NYAP2: variants seen among roughly 807,000 people sequenced by gnomAD.
The protein encoded by NYAP2 is neuronal tyrosine-phosphorylated phosphoinositide-3-kinase adapter 2.
Under a neutral mutation model 50.4 loss-of-function variants are expected in NYAP2, and 23 were observed. That is an observed-to-expected ratio of 0.46 (90% CI 0.33 to 0.65). The LOEUF (loss-of-function observed/expected upper bound fraction) is 0.65, where lower values mean the gene tolerates loss of function less well. NYAP2 is among the 30% of genes least tolerant of loss of function. The pLI, the probability that NYAP2 is intolerant of heterozygous loss-of-function variation, is 0.02. For missense variants in NYAP2, 885 were observed against 861.0 expected (o/e 1.03, Z -0.35); for synonymous variants, 394 against 365.2 (o/e 1.08, Z -0.90).
At chr2:225,400,408 G>A (rs1694841376) in intron 1 of NYAP2, among the ~76,000 whole-genome samples, 153 bp downstream of exon 1, 1 of 151,810 alleles carries the variant, frequency 6.6e-6, no homozygotes, top group Non-Finnish European at 1.5e-5. Context: ...AGAGAGAGCT[G>A]GTTGTCACGG....
chr2:225,581,949 A>G, exon 5 of NYAP2: 3 of 1,597,686 alleles, frequency 1.9e-6, no homozygotes, highest in Non-Finnish European at 2.6e-6. Context: ...AGCGTCAGCT[A>G]AACCAAGACC....
At chr2:225,476,664 G>A (rs1049353639) in intron 3 of NYAP2, among the ~76,000 whole-genome samples, 2 of 151,964 alleles carry the variant, frequency 1.3e-5, no homozygotes, top group African/African-American at 4.8e-5. Flanking sequence ...CAGTATTTAT[G>A]GATTTCCATT....
intron 3 of NYAP2, among the ~76,000 whole-genome samples, chr2:225,498,334 G>A (rs2106175743): frequency 1.3e-5 from 2 of 152,244 alleles, no homozygotes; most frequent in Middle Eastern, 6.8e-3. Context: ...ATTGGTTTAG[G>A]CCCTGAATAA....
intron 4 of NYAP2, among the ~76,000 whole-genome samples, chr2:225,572,926 A>T (rs1692101144): frequency 6.6e-6 from 1 of 152,110 alleles, no homozygotes; most frequent in Admixed American, 6.5e-5. Flanking sequence ...TTATATATAT[A>T]TTAATACCTT....
intron 3 of NYAP2, among the ~76,000 whole-genome samples, chr2:225,501,271 T>G (rs904784818): frequency 7.2e-5 from 11 of 152,188 alleles, no homozygotes; most frequent in Non-Finnish European, 1.3e-4. Flanking sequence ...CTCCAGATCA[T>G]AAGTGTATGG....
At chr2:225,468,737 G>T (rs990931088) in intron 3 of NYAP2, among the ~76,000 whole-genome samples, 4 of 152,170 alleles carry the variant, frequency 2.6e-5, no homozygotes, top group Non-Finnish European at 5.9e-5. Flanking sequence ...AATTGGACAA[G>T]AGTCTGTCTA....
At chr2:225,654,544 C>T (rs1025743591), downstream of NYAP2, among the ~76,000 whole-genome samples, 3 of 151,608 alleles carry the variant, frequency 2.0e-5, no homozygotes, top group African/African-American at 4.8e-5. Context: ...ATTAGCTGGA[C>T]GTGGTGGCAC....
chr2:225,516,330 G>A (rs1244548045), intron 4 of NYAP2, among the ~76,000 whole-genome samples: 1 of 152,162 alleles, frequency 6.6e-6, no homozygotes, highest in Non-Finnish European at 1.5e-5. Flanking sequence ...AGTAGCAAAT[G>A]TGGTTGAACT....
At chr2:225,562,194 G>T (rs1273755533) in intron 4 of NYAP2, among the ~76,000 whole-genome samples, 1 of 152,020 alleles carries the variant, frequency 6.6e-6, no homozygotes, top group East Asian at 1.9e-4. Context: ...AAATTCACTG[G>T]GGGAAAGAAC....
chr2:225,582,459 C>T lies in NYAP2; in HGVS notation c.1042C>T (p.Pro348Ser), dbSNP rs1238529082. 1 of 1,535,558 alleles carries T rather than the reference C, an allele frequency of 6.5e-7. No homozygotes were observed. The highest frequency in any genetic ancestry group is 1.8e-5 in the Admixed American group (1 of 56,468). ...TCCCCCCGCCCCCGTGCATTGCTCC[C>T]CCAACTCCGACGAGTCCCCGCTTAC... is the stretch of plus-strand genomic sequence containing the variant. Residue 348 changes from proline to serine, a missense_variant, in exon 5 of 7, where the codon CCC (proline) becomes TCC (serine). Transcript: ENST00000636099. The surrounding 1 kb of genome is among the most constrained non-coding windows in gnomAD (Gnocchi z 7.0).
chr2:225,644,965 G>A (rs1254994998), intron 6 of NYAP2, among the ~76,000 whole-genome samples: 1 of 152,144 alleles, frequency 6.6e-6, no homozygotes, highest in East Asian at 1.9e-4. Context: ...AGTTTATTAG[G>A]AACAAAAAGA....
At chr2:225,568,083 A>G (rs531475167) in intron 4 of NYAP2, among the ~76,000 whole-genome samples, 1 of 152,090 alleles carries the variant, frequency 6.6e-6, no homozygotes. Flanking sequence ...ACTACACAGG[A>G]GGTTTTTTGC....
chr2:225,550,870 G>A (rs1691661534), intron 4 of NYAP2, among the ~76,000 whole-genome samples: 1 of 152,160 alleles, frequency 6.6e-6, no homozygotes, highest in African/African-American at 2.4e-5. Flanking sequence ...ATTTTGGTTT[G>A]AGTTTTATTG....
chr2:225,608,829 G>T (rs1454639120), intron 5 of NYAP2, among the ~76,000 whole-genome samples: 1 of 152,096 alleles, frequency 6.6e-6, no homozygotes, highest in African/African-American at 2.4e-5. Context: ...AATGTGACTA[G>T]GGAAGGGAGG....
At chr2:225,674,921 CTGTG>C in the NYAP2 span, among the ~76,000 whole-genome samples, 3 of 152,100 alleles carry the variant, frequency 2.0e-5, no homozygotes, top group African/African-American at 7.2e-5. Context: ...TTAGAGTAGA[CTGTG>C]TGTCAGCAAA....
Position 225,582,823 on chromosome 2 carries a change from C to A in NYAP2, c.1406C>A (p.Ser469Tyr), listed in dbSNP as rs776415672. 6.2e-7 allele frequency: 1 copy of A among 1,613,948 alleles called. No homozygotes were observed. The highest frequency in any genetic ancestry group is 2.2e-5 in the East Asian group (1 of 44,872). Reference sequence around the variant, plus strand: ...CATTCGGGCAGCCTCTCAAGGAGCTCTCCTTCAGTGCCTCACTCGACCCCC... The same window carrying A: ...CATTCGGGCAGCCTCTCAAGGAGCTATCCTTCAGTGCCTCACTCGACCCCC... The change falls in exon 5 of 7, where the codon TCT becomes TAT. Residue 469 changes from serine to tyrosine, a missense_variant. Transcript: ENST00000636099. The surrounding 1 kb of genome is among the most constrained non-coding windows in gnomAD (Gnocchi z 7.0).
intron 4 of NYAP2, among the ~76,000 whole-genome samples, chr2:225,542,642 C>G (rs1335829166): frequency 6.6e-6 from 1 of 152,034 alleles, no homozygotes; most frequent in Non-Finnish European, 1.5e-5. Flanking sequence ...GATGAATGAT[C>G]TTTTTAATGT....
chr2:225,628,743 T>G (rs1049223702), intron 6 of NYAP2, among the ~76,000 whole-genome samples: 22 of 152,220 alleles, frequency 1.4e-4, no homozygotes, highest in African/African-American at 5.3e-4. Flanking sequence ...TATCAAAATT[T>G]GTACCAATTC....
rs561118050 is a variant in NYAP2 at position 225,600,007 on chromosome 2, A to G, written c.1618+16972A>G. The stretch of plus-strand genomic sequence containing the variant: ...GCCTAGACAGAGCCTATTTATCAAG[A>G]CAGGGGAATTGCAACAGAGAAAGAA... On this transcript the variant is annotated intron_variant, in intron 5 of 6. Transcript: ENST00000636099. 4.3e-3 allele frequency among the ~76,000 whole-genome samples: 655 copies of G among 152,272 alleles called. 7 individuals are homozygous for G. Among genetic ancestry groups the G allele is most frequent in the African/African-American group, 0.015 (620 of 41,546 alleles).
Sources: allele counts gnomAD v4.1 joint callset (sites outside exome capture counted in the v4.1 genomes callset), GRCh38; gene constraint gnomAD v4.1.1; non-coding constraint Gnocchi (gnomAD v3.1); transcripts MANE v1.5; gene names NCBI Gene and HGNC (gene_info 2026-07-23, HGNC 2026-07-21).